Variants in UPF2 observed in about 807,000 individuals in gnomAD.
UPF2 encodes the protein UPF2 regulator of nonsense mediated mRNA decay.
UPF2 carries 17 observed loss-of-function variants against 141.4 expected under a neutral mutation model. The observed-to-expected ratio is 0.12, with a 90% CI of 0.08 to 0.18. The LOEUF (loss-of-function observed/expected upper bound fraction) is 0.18, where lower values mean the gene tolerates loss of function less well. UPF2 is among the 10% of genes least tolerant of loss of function. The probability of loss-of-function intolerance (pLI) is 1.00; values close to 1 mark genes in which losing one functional copy is unlikely to be tolerated. For synonymous variants in UPF2, 540 were observed against 498.0 expected, an observed-to-expected ratio of 1.08 and a Z score of -1.12; for missense variants, 1,152 against 1,515.9, an observed-to-expected ratio of 0.76 and a Z score of 3.99.
Position 11,953,298 on chromosome 10 carries a change from C to T in UPF2, c.2851-1049G>A, listed in dbSNP as rs377643598. Among the ~76,000 whole-genome samples the T allele has an allele frequency of 3.7e-4, 57 of 152,276 alleles. No homozygotes were observed. Among genetic ancestry groups the T allele is most frequent in the African/African-American group, 1.1e-3 (45 of 41,544 alleles). On this transcript the variant is annotated intron_variant, in intron 14 of 21. Transcript: ENST00000357604. The surrounding 1 kb of genome is among the most constrained non-coding windows in gnomAD (Gnocchi z 5.0). ...TAGAAATGTAGAATCTCAGGCCTCC[C>T]CCTAGGTCAACTGAATCAGAATCTG...
At position 11,940,216 on chromosome 10, in the gene UPF2, T is replaced by C. The variant is rs940459668; in HGVS notation, c.3378+2449A>G. On this transcript the variant is annotated intron_variant, in intron 18 of 21. Coordinates refer to ENST00000357604, the MANE Select transcript of UPF2 (RefSeq NM_015542.4). The surrounding 1 kb of genome is among the most constrained non-coding windows in gnomAD (Gnocchi z 4.2). The stretch of plus-strand genomic sequence containing the variant: ...CGAACTTCCCTCCTCGATTACATCT[T>C]CCCATCCTTCCAGCTTGCTTCTTCA... 3.3e-5 allele frequency among the ~76,000 whole-genome samples: 5 copies of C among 152,228 alleles called. No homozygotes were observed. Among genetic ancestry groups the C allele is most frequent in the Non-Finnish European group, 1.5e-5 (1 of 68,046 alleles).
At chr10:11,952,839 C>T (rs1170638681) in intron 14 of UPF2, among the ~76,000 whole-genome samples, 2 of 151,912 alleles carry the variant, frequency 1.3e-5, no homozygotes, top group South Asian at 2.1e-4. Context: ...AAATAAAATA[C>T]CAAATAAATT....
intron 8 of UPF2, among the ~76,000 whole-genome samples, chr10:11,988,364 A>C (rs1009797157): frequency 4.9e-4 from 74 of 152,232 alleles, no homozygotes; most frequent in African/African-American, 1.7e-3. Flanking sequence ...CCCAGGCTGG[A>C]GTGCAGTGGT....
chr10:11,956,039 C>T lies in UPF2; in HGVS notation c.2574+281G>A, dbSNP rs888485449. On this transcript the variant is annotated intron_variant, in intron 13 of 21. Coordinates refer to ENST00000357604, the MANE Select transcript of UPF2 (RefSeq NM_015542.4). The surrounding 1 kb of genome is among the most constrained non-coding windows in gnomAD (Gnocchi z 4.2). ...TGCACCTGTAGTAGTCCCAGCTACT[C>T]GGGAAGTTGAAACAGGAGAATTGCT... Among the ~76,000 whole-genome samples, 5 of 151,340 alleles carry T rather than the reference C, an allele frequency of 3.3e-5. No homozygotes were observed. The highest frequency in any genetic ancestry group is 1.2e-4 in the African/African-American group (5 of 41,158).
intron 1 of UPF2, among the ~76,000 whole-genome samples, chr10:12,041,911 C>T (rs1385629556): frequency 2.6e-5 from 4 of 152,132 alleles, no homozygotes; most frequent in African/African-American, 9.7e-5. Flanking sequence ...AGCAAGAGAG[C>T]TGAAGGTCCG....
chr10:11,961,148 C>T (rs12244965), intron 11 of UPF2, among the ~76,000 whole-genome samples: 1,638 of 150,998 alleles, frequency 0.011, 32 homozygotes, highest in African/African-American at 0.038. Flanking sequence ...ATGGCAGGTG[C>T]GGGAAACTCA....
At position 11,921,313 on chromosome 10, in the gene UPF2, G is replaced by C; in HGVS notation, c.3810-6C>G. On this transcript the variant is annotated splice_region_variant and splice_polypyrimidine_tract_variant and intron_variant, in intron 21 of 21. Coordinates refer to ENST00000357604, the MANE Select transcript of UPF2 (RefSeq NM_015542.4). The surrounding 1 kb of genome is among the most constrained non-coding windows in gnomAD (Gnocchi z 5.9). ...TGCTGCTGGATCAACGTCTCCTAAA[G>C]GAACAAACAGGGTCACATCAGAGAG... 4 of 1,614,108 alleles carry C rather than the reference G, an allele frequency of 2.5e-6. No homozygotes were observed. The highest frequency in any genetic ancestry group is 3.4e-6 in the Non-Finnish European group (4 of 1,180,016).
intron 21 of UPF2, chr10:11,923,254 T>G: frequency 6.6e-6 from 1 of 152,146 alleles, no homozygotes; most frequent in East Asian, 1.9e-4. Context: ...TGTGCAAGGA[T>G]GACATGCAGG....
At chr10:11,938,867 T>TTTTG (rs1564337866) in intron 18 of UPF2, among the ~76,000 whole-genome samples, 1 of 103,358 alleles carries the variant, frequency 9.7e-6, no homozygotes, top group Non-Finnish European at 2.0e-5. Context: ...TTTTTTTTTT[T>TTTTG]TTTTTTTTTT....
In UPF2 at chr10:12,016,774, G is replaced by C. The variant is rs957040565; in HGVS notation, c.1146-2590C>G. Among the ~76,000 whole-genome samples the C allele has an allele frequency of 6.6e-6, 1 of 152,078 alleles. No homozygotes were observed. Among genetic ancestry groups the C allele is most frequent in the Non-Finnish European group, 1.5e-5 (1 of 68,014 alleles). On this transcript the variant is annotated intron_variant, in intron 3 of 21. Transcript: ENST00000357604. This position sits in a 1 kb window ranked among gnomAD's most constrained non-coding sequence, Gnocchi z 4.1. ...ACGGTGGTTCACGCCTATAATCCCAGCACTTTGGGAGGCCGAGGCAGGCGG... is the reference window on the plus strand; with the variant it reads ...ACGGTGGTTCACGCCTATAATCCCACCACTTTGGGAGGCCGAGGCAGGCGG...
chr10:11,932,333 G>C (rs1334871771), intron 19 of UPF2, among the ~76,000 whole-genome samples: 1 of 151,526 alleles, frequency 6.6e-6, no homozygotes, highest in South Asian at 2.1e-4. Context: ...TAATGATGAT[G>C]GTACTAATCA....
chr10:12,027,290 C>T (rs904027995), intron 3 of UPF2, among the ~76,000 whole-genome samples: 1 of 152,168 alleles, frequency 6.6e-6, no homozygotes, highest in Admixed American at 6.6e-5. Flanking sequence ...ATTAAAACAT[C>T]GTAGAATCTC....
intron 15 of UPF2, among the ~76,000 whole-genome samples, chr10:11,949,786 G>C (rs1833050393): frequency 6.6e-6 from 1 of 152,078 alleles, no homozygotes; most frequent in African/African-American, 2.4e-5. Flanking sequence ...TACCATTTTA[G>C]TTTTGTTCTT....
intron 21 of UPF2, among the ~76,000 whole-genome samples, chr10:11,925,202 ATG>A (rs1832696925): frequency 1.3e-5 from 2 of 152,182 alleles, no homozygotes; most frequent in Non-Finnish European, 2.9e-5. Flanking sequence ...TTCATCTACC[ATG>A]TTTATCGCAC....
chr10:12,029,957 C>CAAAAAAAAAAAAACAAAAAAAA (rs1834487578), intron 2 of UPF2, among the ~76,000 whole-genome samples: 1 of 71,198 alleles, frequency 1.4e-5, no homozygotes, highest in Non-Finnish European at 2.9e-5. Flanking sequence ...GACTCCGTCT[C>CAAAAAAAAAAAAACAAAAAAAA]AAAAAAAAAA....
At chr10:11,944,528 C>G (rs1390167262) in intron 16 of UPF2, among the ~76,000 whole-genome samples, 2 of 152,052 alleles carry the variant, frequency 1.3e-5, no homozygotes, top group Non-Finnish European at 2.9e-5. Context: ...AATACATTAC[C>G]TTTTCCCCCC....
rs990214709 is a variant in UPF2 at position 12,013,956 on chromosome 10, G to A, written c.1306+68C>T. The A allele has an allele frequency of 3.0e-6, 4 of 1,350,744 alleles. No homozygotes were observed. The African/African-American group carries it at 6.0e-5, about 20-fold the overall frequency. 83.7% of individuals were successfully genotyped at this position (1,350,744 alleles called of 1,614,324 possible). A position where few individuals can be genotyped will look rare whatever the true frequency, so the allele number is the denominator to read the frequency against. ...CTTAAATTCTCAATACTGCACATCT[G>A]ATAAGCCTAAAGGTAAGTGACAGTG... On this transcript the variant is annotated intron_variant, in intron 4 of 21. Coordinates refer to ENST00000357604, the MANE Select transcript of UPF2 (RefSeq NM_015542.4).
At position 11,980,819 on chromosome 10, in the gene UPF2, C is replaced by T. The variant is rs974270274; in HGVS notation, c.1845-1654G>A. Among the ~76,000 whole-genome samples the T allele has an allele frequency of 3.9e-5, 6 of 152,106 alleles. No homozygotes were observed. Among genetic ancestry groups the T allele is most frequent in the African/African-American group, 7.2e-5 (3 of 41,418 alleles). Reference sequence around the variant, plus strand: ...TGGTCAGGGAAAAAAACACATAATTCGATCTGGAAAGCTCCTCAGATGGAT... The same window carrying T: ...TGGTCAGGGAAAAAAACACATAATTTGATCTGGAAAGCTCCTCAGATGGAT... On this transcript the variant is annotated intron_variant, in intron 8 of 21. Transcript: ENST00000357604. The surrounding 1 kb of genome is among the most constrained non-coding windows in gnomAD (Gnocchi z 4.2).
intron 4 of UPF2, among the ~76,000 whole-genome samples, chr10:12,008,687 A>ATTT (rs942347359): frequency 2.0e-5 from 3 of 146,740 alleles, no homozygotes; most frequent in Non-Finnish European, 4.5e-5. Flanking sequence ...TGGCATGTAA[A>ATTT]TTTTTTTTTT....
Sources: allele counts gnomAD v4.1 joint callset (sites outside exome capture counted in the v4.1 genomes callset), GRCh38; gene constraint gnomAD v4.1.1; non-coding constraint Gnocchi (gnomAD v3.1); transcripts MANE v1.5; gene names NCBI Gene and HGNC (gene_info 2026-07-23, HGNC 2026-07-21).